The following DAB1 variants were observed in gnomAD, a reference collection of about 807,000 sequenced individuals.
DAB1 encodes DAB adaptor protein 1, also known as disabled homolog 1.
Under a neutral mutation model 64.6 loss-of-function variants are expected in DAB1, and 15 were observed. The observed-to-expected ratio is 0.23, with a 90% CI of 0.16 to 0.36. The LOEUF is 0.36. Among genes scored for constraint, DAB1 ranks in the 10% least tolerant of loss-of-function variants. The pLI, the probability that DAB1 is intolerant of heterozygous loss-of-function variation, is 1.00. For missense variants in DAB1, 596 were observed against 706.7 expected, an observed-to-expected ratio of 0.84 and a Z score of 1.78; for synonymous variants, 235 against 251.9, an observed-to-expected ratio of 0.93 and a Z score of 0.64.
intron 1 of DAB1, among the ~76,000 whole-genome samples, chr1:57,305,726 T>A (rs919627132): frequency 1.3e-5 from 2 of 151,838 alleles, no homozygotes; most frequent in Non-Finnish European, 2.9e-5. Flanking sequence ...TCCCAGCACT[T>A]TGGGAGGCGG....
At chr1:57,164,638 C>T (rs2100899762) in intron 2 of DAB1, among the ~76,000 whole-genome samples, 1 of 152,268 alleles carries the variant, frequency 6.6e-6, no homozygotes, top group African/African-American at 2.4e-5. Flanking sequence ...GAGTAGTCAT[C>T]TTTTCCTGCC....
At chr1:57,168,484 T>A (rs1661413822) in intron 2 of DAB1, among the ~76,000 whole-genome samples, 1 of 152,176 alleles carries the variant, frequency 6.6e-6, no homozygotes, top group African/African-American at 2.4e-5. Context: ...ACATCCCATA[T>A]GTCTTCACAT....
chr1:58,203,768 G>A (rs1417928883), intron 4 of DAB1, among the ~76,000 whole-genome samples: 1 of 152,158 alleles, frequency 6.6e-6, no homozygotes, highest in Non-Finnish European at 1.5e-5. Context: ...CTTTTTGCAT[G>A]TCTCCCTCAG....
Position 58,370,170 on chromosome 1 carries a change from C to T in DAB1, n.258-26767G>A, listed in dbSNP as rs777258013. On this transcript the variant is annotated intron_variant and non_coding_transcript_variant, in intron 3 of 20. Transcript: ENST00000485760. ...ACTCAAACAGCCATCAATAGGGGAA[C>T]GGATTTTTAAAATTTGGTGTATTCT... 5.3e-5 allele frequency among the ~76,000 whole-genome samples: 8 copies of T among 151,948 alleles called. No homozygotes were observed. The South Asian group carries it at 6.2e-4, about 12-fold the overall frequency.
intron 5 of DAB1, among the ~76,000 whole-genome samples, chr1:58,115,126 CA>C (rs1201821999): frequency 2.2e-5 from 3 of 133,988 alleles, no homozygotes; most frequent in South Asian, 5.7e-4. Context: ...ACAATGAACT[CA>C]AACAAATTTA....
At chr1:57,757,733 C>T (rs1648883011) in intron 6 of DAB1, among the ~76,000 whole-genome samples, 1 of 152,140 alleles carries the variant, frequency 6.6e-6, no homozygotes, top group Admixed American at 6.6e-5. Context: ...ACTGAGGGTT[C>T]AGACTCCATT....
intron 2 of DAB1, among the ~76,000 whole-genome samples, chr1:58,509,763 A>G (rs896361457): frequency 1.3e-5 from 2 of 151,896 alleles, no homozygotes; most frequent in Admixed American, 1.3e-4. Context: ...AGTAAGAAAA[A>G]AAAAGACTTA....
At chr1:58,035,245 C>T (rs1041111093) in intron 5 of DAB1, among the ~76,000 whole-genome samples, 1 of 152,234 alleles carries the variant, frequency 6.6e-6, no homozygotes, top group Admixed American at 6.5e-5. Context: ...ATTTTAGATC[C>T]TCCAACCCCA....
chr1:58,296,195 G>GAGAAAGAA (rs56816699), intron 4 of DAB1, among the ~76,000 whole-genome samples: 4,649 of 93,418 alleles, frequency 0.05, 161 homozygotes, highest in East Asian at 0.071. Context: ...GAGAAAGAAA[G>GAGAAAGAA]AGAAAGAAAG....
chr1:57,711,876 T>C (rs974769002), intron 6 of DAB1, among the ~76,000 whole-genome samples: 1 of 152,196 alleles, frequency 6.6e-6, no homozygotes, highest in African/African-American at 2.4e-5. Flanking sequence ...AGGTATAGAG[T>C]AAAGCTTTTT....
intron 1 of DAB1, among the ~76,000 whole-genome samples, chr1:58,545,049 C>A (rs1361130065): frequency 6.6e-6 from 1 of 152,140 alleles, no homozygotes; most frequent in South Asian, 2.1e-4. Flanking sequence ...GTTGGTTTTC[C>A]ATGGCTTCCA....
Position 58,336,624 on chromosome 1 carries a change from C to T in DAB1, n.309+6728G>A, listed in dbSNP as rs528639581. ...ACTCTATTTGACTTCAAATTCTAGG[C>T]TCTTTTCATATTTTCTAGCTGCAAG... On this transcript the variant is annotated intron_variant and non_coding_transcript_variant, in intron 4 of 20. Transcript: ENST00000485760. Among the ~76,000 whole-genome samples, 4 of 152,290 alleles carry T rather than the reference C, an allele frequency of 2.6e-5. No individual in the cohort carries two copies. In the South Asian group the frequency reaches 6.2e-4, roughly 24 times the overall value.
At chr1:57,246,692 G>A (rs1006166533) in intron 2 of DAB1, among the ~76,000 whole-genome samples, 7 of 152,220 alleles carry the variant, frequency 4.6e-5, no homozygotes, top group African/African-American at 1.7e-4. Context: ...AAAAGCCACA[G>A]GCACTGAATG....
chr1:57,391,984 A>C (rs523282), intron 1 of DAB1, among the ~76,000 whole-genome samples: 5,864 of 152,240 alleles, frequency 0.039, 354 homozygotes, highest in African/African-American at 0.13. Flanking sequence ...ACAATGTCTT[A>C]GTGATTTTTA....
At chr1:57,417,618 C>T (rs1684588061) in intron 1 of DAB1, among the ~76,000 whole-genome samples, 1 of 152,168 alleles carries the variant, frequency 6.6e-6, no homozygotes, top group Non-Finnish European at 1.5e-5. Flanking sequence ...AATACCACAT[C>T]TTACTAAGAA....
chr1:57,971,552 C>T (rs1645796778), intron 5 of DAB1, among the ~76,000 whole-genome samples: 1 of 152,218 alleles, frequency 6.6e-6, no homozygotes, highest in African/African-American at 2.4e-5. Context: ...CTCTTTGAGT[C>T]TCAGTTAACT....
At chr1:57,404,527 A>G (rs1331319948) in intron 1 of DAB1, among the ~76,000 whole-genome samples, 1 of 152,220 alleles carries the variant, frequency 6.6e-6, no homozygotes, top group East Asian at 1.9e-4. Flanking sequence ...CTTTCTCTCT[A>G]GAATTAAAAA....
At chr1:58,349,101 G>C (rs549018592) in intron 3 of DAB1, among the ~76,000 whole-genome samples, 2 of 152,332 alleles carry the variant, frequency 1.3e-5, no homozygotes, top group South Asian at 2.1e-4. Flanking sequence ...GTAAGCCTAA[G>C]AGCTTACTGG....
intron 1 of DAB1, among the ~76,000 whole-genome samples, chr1:57,319,138 G>T (rs965894912): frequency 1.3e-5 from 2 of 152,126 alleles, no homozygotes; most frequent in African/African-American, 4.8e-5. Context: ...GTGTTGCATG[G>T]CCCCAGGGCT....
Sources: gnomAD v4.1 joint callset for allele counts (sites outside exome capture counted in the v4.1 genomes callset) on GRCh38, gnomAD v4.1.1 for gene constraint, MANE v1.5 for transcripts, NCBI Gene and HGNC (gene_info 2026-07-23, HGNC 2026-07-21) for gene names.